FH: variants seen among roughly 807,000 people sequenced by gnomAD.
The protein encoded by FH is fumarate hydratase.
In FH, 22 loss-of-function variants were observed where a neutral mutation model predicts 49.4. The observed-to-expected ratio is 0.45, with a 90% confidence interval of 0.32 to 0.64. The LOEUF is 0.64. Among genes scored for constraint, FH ranks in the 30% least tolerant of loss-of-function variants. The pLI is 0.05. For missense variants in FH, 526 were observed against 641.5 expected, an observed-to-expected ratio of 0.82 and a Z score of 1.95; for synonymous variants, 208 against 223.0, an observed-to-expected ratio of 0.93 and a Z score of 0.60.
chr1:241,517,366 C>A (rs2147925362), intron 1 of FH, 50 bp from the exon 2 acceptor site: 1 of 1,603,390 alleles, frequency 6.2e-7, no homozygotes, highest in East Asian at 2.2e-5. Context: ...AACCCAGGAT[C>A]AAAAGTAATC....
intron 9 of FH, among the ~76,000 whole-genome samples, chr1:241,499,541 C>T (rs1659714342): frequency 6.6e-6 from 1 of 152,112 alleles, no homozygotes. Context: ...CTAAAAGAGT[C>T]AAATGAGCTC....
At position 241,518,563 on chromosome 1, in the gene FH, C is replaced by T. The variant is rs553920974; in HGVS notation, c.132+1028G>A. Reference sequence around the variant, plus strand: ...AAAAAGTACTGGCCCTTTGAAATACCCTAGATGGGGCACTTATTTAATGAG... The same window carrying T: ...AAAAAGTACTGGCCCTTTGAAATACTCTAGATGGGGCACTTATTTAATGAG... On this transcript the variant is annotated intron_variant, in intron 1 of 9. Coordinates refer to ENST00000366560, the MANE Select transcript of FH (RefSeq NM_000143.4). 5.7e-4 allele frequency among the ~76,000 whole-genome samples: 86 copies of T among 152,088 alleles called. 1 individual carries two copies. Among genetic ancestry groups the T allele is most frequent in the Admixed American group, 9.8e-4 (15 of 15,284 alleles).
chr1:241,514,785 T>C, intron 2 of FH, among the ~76,000 whole-genome samples: 1 of 152,174 alleles, frequency 6.6e-6, no homozygotes, highest in South Asian at 2.1e-4. Flanking sequence ...TTAGAAACGT[T>C]TGACTCAAAC....
At chr1:241,518,061 CAAT>C (rs1437270710) in intron 1 of FH, among the ~76,000 whole-genome samples, 17 of 152,108 alleles carry the variant, frequency 1.1e-4, no homozygotes, top group Non-Finnish European at 2.1e-4. Flanking sequence ...GGAAGGCACT[CAAT>C]AAACAGTATC....
At chr1:241,517,112 A>T in intron 2 of FH, 70 bp downstream of exon 2, 4 of 1,578,786 alleles carry the variant, frequency 2.5e-6, no homozygotes, top group Non-Finnish European at 3.5e-6. Flanking sequence ...AAATATTTAT[A>T]AAGTAAAGTG....
rs536130950 is a variant in FH, at chr1:241,514,437, C to A, written c.268-724G>T. On this transcript the variant is annotated intron_variant, in intron 2 of 9. Coordinates refer to ENST00000366560, the MANE Select transcript of FH (RefSeq NM_000143.4). ...GTCTATCCCAAATCACCTCACCAAG[C>A]TTGAAAAGGATAAACTGAAATGAAA... 2.2e-4 allele frequency among the ~76,000 whole-genome samples: 34 copies of A among 152,280 alleles called. No individual in the cohort carries two copies. In the South Asian group the frequency reaches 6.4e-3, roughly 29 times the overall value.
At chr1:241,518,298 GTGC>G (rs1276955168) in intron 1 of FH, among the ~76,000 whole-genome samples, 3 of 152,214 alleles carry the variant, frequency 2.0e-5, no homozygotes, top group Admixed American at 1.3e-4. Flanking sequence ...GAGCAAAGTA[GTGC>G]TGCTATTTTT....
chr1:241,507,208 A>G (rs1468390344), intron 5 of FH, among the ~76,000 whole-genome samples: 4 of 152,124 alleles, frequency 2.6e-5, no homozygotes, highest in African/African-American at 7.2e-5. Context: ...AATACTTACC[A>G]TTGTGTTACG....
intron 4 of FH, among the ~76,000 whole-genome samples, chr1:241,510,639 T>C (rs1423950287): frequency 1.3e-5 from 2 of 152,164 alleles, no homozygotes; most frequent in African/African-American, 4.8e-5. Flanking sequence ...CCCTGATGAA[T>C]GCTAAAAATA....
intron 6 of FH, among the ~76,000 whole-genome samples, 179 bp from the exon 7 acceptor site, chr1:241,504,424 G>A (rs1659862412): frequency 6.6e-6 from 1 of 152,136 alleles, no homozygotes; most frequent in Admixed American, 6.5e-5. Context: ...TAAAGGAGTA[G>A]AAAGAATCTG....
rs560378371 is a variant in FH, at chr1:241,501,340, A to G, written c.1237-750T>C. On this transcript the variant is annotated intron_variant, in intron 8 of 9. Coordinates refer to ENST00000366560, the MANE Select transcript of FH (RefSeq NM_000143.4). ...CTAATGACCTTGTAATAAGGCAAAT[A>G]TTGATTATCTTTATTTTACATTAAA... is the stretch of plus-strand genomic sequence containing the variant. Among the ~76,000 whole-genome samples, 4 of 152,250 alleles carry G rather than the reference A, an allele frequency of 2.6e-5. No individual in the cohort carries two copies. The South Asian group carries it at 8.3e-4, about 31-fold the overall frequency.
intron 4 of FH, among the ~76,000 whole-genome samples, chr1:241,509,077 GTAT>G (rs931684814): frequency 1.1e-4 from 17 of 148,692 alleles, no homozygotes; most frequent in East Asian, 3.9e-4. Flanking sequence ...AATATATTAT[GTAT>G]TATATTATGT....
At chr1:241,498,439 G>A (rs1434201937) in intron 9 of FH, among the ~76,000 whole-genome samples, 2 of 151,694 alleles carry the variant, frequency 1.3e-5, no homozygotes, top group Admixed American at 1.3e-4. Context: ...AGAAGTCCTC[G>A]CAGTGAGGCA....
At chr1:241,503,226 A>C (rs1573879836) in intron 7 of FH, among the ~76,000 whole-genome samples, 1 of 152,134 alleles carries the variant, frequency 6.6e-6, no homozygotes, top group Non-Finnish European at 1.5e-5. Flanking sequence ...ATCACCCTGG[A>C]TTTGCAATCA....
intron 8 of FH, among the ~76,000 whole-genome samples, chr1:241,502,182 T>C (rs1659798139): frequency 6.6e-6 from 1 of 152,126 alleles, no homozygotes; most frequent in Admixed American, 6.6e-5. Context: ...AGCAGCAGCA[T>C]GAGAAGGAGA....
At chr1:241,506,457 A>G (rs184159691) in intron 5 of FH, among the ~76,000 whole-genome samples, 1 of 152,340 alleles carries the variant, frequency 6.6e-6, no homozygotes, top group East Asian at 1.9e-4. Flanking sequence ...AATACACTTT[A>G]AAAAGAACAA....
chr1:241,505,933 A>G, intron 6 of FH, 70 bp downstream of exon 6: 1 of 1,361,892 alleles, frequency 7.3e-7, no homozygotes, highest in Non-Finnish European at 1.1e-6. Context: ...CAAGACAGGA[A>G]CACTCAGAAA....
chr1:241,508,592 A>G lies in FH; in HGVS notation c.738+11T>C. ...GCTCTAAATTGAATCAAATTAGTCA[A>G]ACTCCTATACCTGCCCAAGAGTAAG... On this transcript the variant is annotated intron_variant, in intron 5 of 9. Coordinates refer to ENST00000366560, the MANE Select transcript of FH (RefSeq NM_000143.4). 1 of 1,610,134 alleles carries G rather than the reference A, an allele frequency of 6.2e-7. No individual in the cohort carries two copies. Among genetic ancestry groups the G allele is most frequent in the Non-Finnish European group, 8.5e-7 (1 of 1,176,418 alleles).
chr1:241,502,017 GAACT>G (rs1237239855), intron 8 of FH, among the ~76,000 whole-genome samples: 3 of 152,198 alleles, frequency 2.0e-5, no homozygotes, highest in African/African-American at 7.2e-5. Flanking sequence ...AGTAAGGGAA[GAACT>G]AACTGCGCAA....
Sources: allele counts gnomAD v4.1 joint callset (sites outside exome capture counted in the v4.1 genomes callset), GRCh38; gene constraint gnomAD v4.1.1; transcripts MANE v1.5; gene names NCBI Gene and HGNC (gene_info 2026-07-23, HGNC 2026-07-21).